The following CNTN5 variants were observed in gnomAD, a reference collection of about 807,000 sequenced individuals.
The protein encoded by CNTN5 is contactin-5.
A neutral mutation model predicts 129.1 loss-of-function variants in CNTN5; 77 were observed. The observed-to-expected ratio is 0.60, with a 90% CI of 0.50 to 0.72. The LOEUF (loss-of-function observed/expected upper bound fraction) is 0.72. Among genes scored for constraint, CNTN5 ranks in the 30% least tolerant of loss-of-function variants. The probability of loss-of-function intolerance (pLI) is 0.00; values close to 1 mark genes in which losing one functional copy is unlikely to be tolerated. For missense variants in CNTN5, 1,478 were observed against 1,328.8 expected, an observed-to-expected ratio of 1.11 and a Z score of -1.75; for synonymous variants, 509 against 465.6, an observed-to-expected ratio of 1.09 and a Z score of -1.20.
At chr11:99,711,816 C>CT (rs930769783) in intron 3 of CNTN5, among the ~76,000 whole-genome samples, 2 of 151,944 alleles carry the variant, frequency 1.3e-5, no homozygotes, top group African/African-American at 4.8e-5. Flanking sequence ...TGAACTCATC[C>CT]TTTTTTAAGG....
At chr11:99,899,390 G>T (rs567009636) in intron 6 of CNTN5, among the ~76,000 whole-genome samples, 58 of 152,060 alleles carry the variant, frequency 3.8e-4, no homozygotes, top group African/African-American at 1.0e-3. Context: ...TTATTTTGAA[G>T]TATGTTCCAT....
At chr11:99,910,533 T>C (rs1169602261) in intron 6 of CNTN5, among the ~76,000 whole-genome samples, 3 of 152,114 alleles carry the variant, frequency 2.0e-5, no homozygotes, top group Non-Finnish European at 4.4e-5. Context: ...TTCCTAAAAT[T>C]AGTGTGGTTT....
At chr11:99,888,131 C>T (rs894698192) in intron 6 of CNTN5, among the ~76,000 whole-genome samples, 3 of 152,202 alleles carry the variant, frequency 2.0e-5, no homozygotes, top group Non-Finnish European at 4.4e-5. Flanking sequence ...TGAACACAGT[C>T]CCTGGCACAT....
At chr11:99,196,973 C>T (rs1384231196) in intron 1 of CNTN5, among the ~76,000 whole-genome samples, 1 of 151,666 alleles carries the variant, frequency 6.6e-6, no homozygotes, top group Non-Finnish European at 1.5e-5. Context: ...AATACACAAA[C>T]CAGATGCTAA....
intron 3 of CNTN5, among the ~76,000 whole-genome samples, chr11:99,570,344 A>T (rs1426047290): frequency 6.6e-6 from 1 of 152,204 alleles, no homozygotes. Context: ...GACTGTTTTT[A>T]AAATAGGATT....
intron 3 of CNTN5, among the ~76,000 whole-genome samples, chr11:99,581,841 G>A (rs1016982616): frequency 1.3e-5 from 2 of 152,088 alleles, no homozygotes; most frequent in African/African-American, 4.8e-5. Context: ...GGTTATTATT[G>A]TTATATGTGA....
chr11:99,832,216 A>T (rs1652920228), intron 4 of CNTN5, among the ~76,000 whole-genome samples: 1 of 152,204 alleles, frequency 6.6e-6, no homozygotes, highest in South Asian at 2.1e-4. Flanking sequence ...CATTAGCAAA[A>T]AAGCAAGAAA....
At chr11:99,056,248 T>C (rs1407900425) in intron 1 of CNTN5, among the ~76,000 whole-genome samples, 1 of 152,024 alleles carries the variant, frequency 6.6e-6, no homozygotes, top group Non-Finnish European at 1.5e-5. Context: ...GAGGAAATGA[T>C]TTCCACACCT....
rs1943463906 is a variant in CNTN5, at chr11:100,061,232, G to A, written c.1001G>A (p.Trp334Ter). ...CGTAGCCCCGTTCCAACAATCACAT[G>A]GATGAAGGTTAATGGTTATATTCCT... ...ALGNPVPTIT[W>*]MKVNGYIPSK... Residue 334 changes from tryptophan to a stop codon, truncating the protein, a stop_gained, in exon 10 of 25, where the codon TGG becomes TAG. Coordinates refer to ENST00000524871, the MANE Select transcript of CNTN5 (RefSeq NM_014361.4). LOFTEE classifies it high-confidence loss of function. 6.2e-7 allele frequency: 1 copy of A among 1,610,148 alleles called. No individual in the cohort carries two copies. Among genetic ancestry groups the A allele is most frequent in the Non-Finnish European group, 8.5e-7 (1 of 1,176,820 alleles).
chr11:99,383,760 T>G (rs190184651), intron 2 of CNTN5, among the ~76,000 whole-genome samples: 1 of 152,228 alleles, frequency 6.6e-6, no homozygotes, highest in East Asian at 1.9e-4. Context: ...GGGCAGAAGC[T>G]GCTTTACCCT....
chr11:100,313,723 G>T (rs1026498468), intron 21 of CNTN5, among the ~76,000 whole-genome samples: 1 of 152,016 alleles, frequency 6.6e-6, no homozygotes, highest in Non-Finnish European at 1.5e-5. Context: ...AACAAGAGCA[G>T]AGGGGAATGA....
intron 4 of CNTN5, among the ~76,000 whole-genome samples, chr11:99,841,001 G>A (rs1169000445): frequency 2.6e-5 from 4 of 152,054 alleles, no homozygotes; most frequent in Non-Finnish European, 4.4e-5. Context: ...GAAGCTGTAC[G>A]TAGACATGTT....
At chr11:99,583,666 C>G (rs190681583) in intron 3 of CNTN5, among the ~76,000 whole-genome samples, 1 of 152,316 alleles carries the variant, frequency 6.6e-6, no homozygotes, top group East Asian at 1.9e-4. Context: ...TTGTTAAGCC[C>G]GTTGGAAAAG....
At chr11:100,118,543 A>G (rs1412125700) in intron 13 of CNTN5, among the ~76,000 whole-genome samples, 1 of 151,946 alleles carries the variant, frequency 6.6e-6, no homozygotes, top group African/African-American at 2.4e-5. Flanking sequence ...AGCCAGGCAG[A>G]ATTTTAGACT....
intron 9 of CNTN5, among the ~76,000 whole-genome samples, chr11:100,003,547 G>A (rs1940007270): frequency 6.6e-6 from 1 of 152,042 alleles, no homozygotes; most frequent in African/African-American, 2.4e-5. Flanking sequence ...ACAAAGGGAG[G>A]TCATATTGTA....
intron 1 of CNTN5, among the ~76,000 whole-genome samples, chr11:99,236,460 T>A (rs1382153025): frequency 1.7e-4 from 13 of 78,698 alleles, no homozygotes; most frequent in African/African-American, 5.8e-4. Context: ...CTACACACAC[T>A]CACACACAAA....
At chr11:100,124,528 G>GAGAT (rs1247617871) in intron 13 of CNTN5, among the ~76,000 whole-genome samples, 1 of 151,922 alleles carries the variant, frequency 6.6e-6, no homozygotes, top group African/African-American at 2.4e-5. Context: ...AATTTTTAAA[G>GAGAT]AGATACATGA....
intron 8 of CNTN5, among the ~76,000 whole-genome samples, chr11:99,967,922 A>G (rs959177217): frequency 6.6e-6 from 1 of 152,194 alleles, no homozygotes; most frequent in Admixed American, 6.5e-5. Flanking sequence ...TCTGCATGGG[A>G]AGCACTGTTT....
intron 1 of CNTN5, among the ~76,000 whole-genome samples, chr11:99,292,309 T>C (rs1047949839): frequency 2.0e-5 from 3 of 150,204 alleles, no homozygotes; most frequent in Admixed American, 6.6e-5. Context: ...AGGTAGGGAA[T>C]CACTGAAAGG....
Sources: gnomAD v4.1 joint callset for allele counts (sites outside exome capture counted in the v4.1 genomes callset) on GRCh38, gnomAD v4.1.1 for gene constraint, MANE v1.5 for transcripts, NCBI Gene and HGNC (gene_info 2026-07-23, HGNC 2026-07-21) for gene names.